Variants in UTP6 observed in about 807,000 individuals in gnomAD.
The protein encoded by UTP6 is UTP6 small subunit processome component.
A neutral mutation model predicts 96.5 loss-of-function variants in UTP6; 60 were observed. That is an observed-to-expected ratio of 0.62 (90% CI 0.51 to 0.77). UTP6 has a LOEUF of 0.77. UTP6 is among the 30% of genes least tolerant of loss of function. UTP6 has a pLI of 0.00. For synonymous variants in UTP6, 215 were observed against 240.1 expected (o/e 0.90, Z 0.96); for missense variants, 637 against 706.5 (o/e 0.90, Z 1.12).
rs145676727 is a variant in UTP6 at position 31,886,105 on chromosome 17, G to A, written c.622-44C>T. 1,495 of 1,556,908 alleles carry A rather than the reference G, an allele frequency of 9.6e-4. 6 individuals carry two copies. In the African/African-American group the frequency reaches 0.018, roughly 19 times the overall value. On this transcript the variant is annotated intron_variant, in intron 8 of 18. Transcript: ENST00000261708. ...AACGTAACTTAACAGGTAGTACAAG[G>A]AGGAAAAGCACTAGGACGAAAATTA...
intron 9 of UTP6, 118 bp downstream of exon 9, chr17:31,885,862 C>T (rs1166304931): frequency 2.5e-6 from 2 of 792,942 alleles, no homozygotes; most frequent in Non-Finnish European, 4.0e-6. Context: ...AAACAGGACA[C>T]TATTCCTACA....
chr17:31,873,685 C>A lies in UTP6; in HGVS notation c.1374G>T (p.Glu458Asp). The stretch of plus-strand genomic sequence containing the variant: ...ACGGAGCCTATACCTTAAAGACTGC[C>A]TCAGTGTCTTCTTGGCTTTTGGCAC... ...SEGAKSQEDT[E>D]AVFKKALLAV... The change falls in exon 15 of 19, where the codon GAG (glutamate) becomes GAT (aspartate). Residue 458 changes from glutamate to aspartate, a missense_variant. Coordinates refer to ENST00000261708, the MANE Select transcript of UTP6 (RefSeq NM_018428.3). 1 of 1,613,552 alleles carries A rather than the reference C, an allele frequency of 6.2e-7. No homozygotes were observed. Among genetic ancestry groups the A allele is most frequent in the Non-Finnish European group, 8.5e-7 (1 of 1,179,930 alleles).
At chr17:31,880,479 C>T in intron 11 of UTP6, 94 bp downstream of exon 11, 1 of 1,496,984 alleles carries the variant, frequency 6.7e-7, no homozygotes. Flanking sequence ...AGAGACATCC[C>T]CAATATTGAT....
chr17:31,876,841 G>A lies in UTP6; in HGVS notation c.1125+1409C>T, dbSNP rs141544336. ...AGCTTAGCCAACATGGTGAAACCTTGTTTCTACTAAAAATACAAAAATTAG... is the reference window on the plus strand; with the variant it reads ...AGCTTAGCCAACATGGTGAAACCTTATTTCTACTAAAAATACAAAAATTAG... On this transcript the variant is annotated intron_variant, in intron 13 of 18. Coordinates refer to ENST00000261708, the MANE Select transcript of UTP6 (RefSeq NM_018428.3). Among the ~76,000 whole-genome samples the A allele has an allele frequency of 3.0e-3, 456 of 151,520 alleles. 3 individuals are homozygous for A. Among genetic ancestry groups the A allele is most frequent in the African/African-American group, 0.01 (433 of 41,276 alleles).
At chr17:31,899,756 A>C (rs748184007) in intron 1 of UTP6, 26 bp from the exon 2 acceptor site, 2 of 1,488,220 alleles carry the variant, frequency 1.3e-6, no homozygotes, top group Non-Finnish European at 1.8e-6. Context: ...TTTAAACTTC[A>C]CTTGAAAACT....
At chr17:31,893,264 CA>C (rs1904431998) in intron 4 of UTP6, among the ~76,000 whole-genome samples, 1 of 150,734 alleles carries the variant, frequency 6.6e-6, no homozygotes. Context: ...CTCAAAAAAA[CA>C]AACAAAAAAA....
intron 2 of UTP6, among the ~76,000 whole-genome samples, chr17:31,897,389 A>G (rs1904713044): frequency 6.8e-6 from 1 of 147,582 alleles, no homozygotes; most frequent in Non-Finnish European, 1.5e-5. Context: ...AGGTTCATAT[A>G]TTGTTTGTTC....
At chr17:31,884,361 C>A in intron 10 of UTP6, 63 bp downstream of exon 10, 1 of 1,340,034 alleles carries the variant, frequency 7.5e-7, no homozygotes, top group Admixed American at 2.3e-5. Flanking sequence ...AAATATCCAA[C>A]CTCAAACCCT....
chr17:31,897,622 A>G (rs1453925598), intron 2 of UTP6, among the ~76,000 whole-genome samples: 3 of 151,732 alleles, frequency 2.0e-5, no homozygotes, highest in Non-Finnish European at 4.4e-5. Context: ...TAATTTTTGT[A>G]TTTTTAGTAG....
chr17:31,862,190 C>T lies in UTP6; in HGVS notation c.*1169G>A. ...GTGCCTGTAATCCCACCCAGCTGCTCGGGAGGCTGAGCCAGAACCACTTGA... is the reference window on the plus strand; with the variant it reads ...GTGCCTGTAATCCCACCCAGCTGCTTGGGAGGCTGAGCCAGAACCACTTGA... On this transcript the variant is annotated 3_prime_UTR_variant, in exon 19 of 19. Coordinates refer to ENST00000261708, the MANE Select transcript of UTP6 (RefSeq NM_018428.3). The T allele has an allele frequency of 6.6e-6, 1 of 151,842 alleles. No homozygotes were observed. The highest frequency in any genetic ancestry group is 2.4e-5 in the African/African-American group (1 of 41,370). 9.4% of individuals were successfully genotyped at this position (151,842 alleles called of 1,614,324 possible).
chr17:31,893,504 G>A (rs890542566), intron 4 of UTP6, among the ~76,000 whole-genome samples: 1 of 150,918 alleles, frequency 6.6e-6, no homozygotes, highest in Non-Finnish European at 1.5e-5. Flanking sequence ...GGCTGAGGCA[G>A]GTGGATCACC....
chr17:31,864,902 T>G (rs988712699), intron 18 of UTP6, among the ~76,000 whole-genome samples: 1 of 152,014 alleles, frequency 6.6e-6, no homozygotes, highest in African/African-American at 2.4e-5. Flanking sequence ...CCCCTGAACT[T>G]ATGATCCTGA....
chr17:31,894,928 G>A, intron 3 of UTP6, 42 bp downstream of exon 3: 1 of 1,517,776 alleles, frequency 6.6e-7, no homozygotes, highest in Middle Eastern at 1.7e-4. Context: ...ATACTGCTTA[G>A]TTCTGTATTT....
At chr17:31,889,453 G>A (rs775180280) in intron 6 of UTP6, 50 bp from the exon 7 acceptor site, 3 of 1,280,558 alleles carry the variant, frequency 2.3e-6, no homozygotes, top group African/African-American at 3.0e-5. Context: ...AATCAAGTCA[G>A]ACAAGAAAAG....
chr17:31,871,489 T>C (rs1910169598), intron 16 of UTP6, among the ~76,000 whole-genome samples: 1 of 152,078 alleles, frequency 6.6e-6, no homozygotes. Context: ...GCCTCATACC[T>C]ACAATCCCAG....
Position 31,894,702 on chromosome 17 carries a change from C to T in UTP6, c.255G>A (p.Glu85=). The part of the protein sequence containing the change: ...IGYSFKKDEI[E]NSIVHRVQGV... The stretch of plus-strand genomic sequence containing the variant: ...CTTGTACCCGGTGTACAATAGAATT[C>T]TCAATCTCATCCTTCTTAAATGAAT... Residue 85 remains glutamate, a synonymous_variant, in exon 4 of 19, where the codon GAG becomes GAA. Transcript: ENST00000261708. 6.2e-7 allele frequency: 1 copy of T among 1,611,636 alleles called. No individual in the cohort carries two copies. Among genetic ancestry groups the T allele is most frequent in the Non-Finnish European group, 8.5e-7 (1 of 1,178,814 alleles).
intron 18 of UTP6, among the ~76,000 whole-genome samples, chr17:31,864,810 T>C (rs550483354): frequency 1.3e-5 from 2 of 151,662 alleles, no homozygotes; most frequent in African/African-American, 4.8e-5. Context: ...TTATTGTTTG[T>C]AGAGATGGGG....
chr17:31,893,696 C>T (rs1904464987), intron 4 of UTP6, among the ~76,000 whole-genome samples: 1 of 146,866 alleles, frequency 6.8e-6, no homozygotes. Flanking sequence ...CACCACTGCA[C>T]TCTAGCCTGG....
In UTP6 at chr17:31,892,284, A is replaced by C. The variant is rs34859443; in HGVS notation, c.400T>G (p.Leu134Val). 2.5e-3 allele frequency: 4,022 copies of C among 1,614,178 alleles called. 9 individuals are homozygous for C. Among genetic ancestry groups the C allele is most frequent in the Non-Finnish European group, 2.9e-3 (3,408 of 1,180,030 alleles). ...TRLSKVFSAM[L>V]AIHSNKPALW... ...CCTGGTTTGTTGGAATGAATCGCCAACATGGCAGAGAATACCTTGCTAAGT... is the reference window on the plus strand; with the variant it reads ...CCTGGTTTGTTGGAATGAATCGCCACCATGGCAGAGAATACCTTGCTAAGT... Residue 134 changes from leucine to valine, a missense_variant, in exon 6 of 19, where the codon TTG becomes GTG. Transcript: ENST00000261708.
Sources: gnomAD v4.1 joint callset for allele counts (sites outside exome capture counted in the v4.1 genomes callset) on GRCh38, gnomAD v4.1.1 for gene constraint, MANE v1.5 for transcripts, NCBI Gene and HGNC (gene_info 2026-07-23, HGNC 2026-07-21) for gene names.